The following FLI1 variants were observed in gnomAD, a reference collection of about 807,000 sequenced individuals.
The protein encoded by FLI1 is Fli-1 proto-oncogene, ETS transcription factor, also known as Friend leukemia integration 1 transcription factor.
FLI1 carries 13 observed loss-of-function variants against 53.1 expected under a neutral mutation model. That is an observed-to-expected ratio of 0.24 (90% CI 0.16 to 0.39). FLI1 has a LOEUF of 0.39. Among genes scored for constraint, FLI1 ranks in the 10% least tolerant of loss-of-function variants. The probability of loss-of-function intolerance (pLI) is 1.00; values close to 1 mark genes in which losing one functional copy is unlikely to be tolerated. For synonymous variants in FLI1, 244 were observed against 236.7 expected, an observed-to-expected ratio of 1.03 and a Z score of -0.28; for missense variants, 424 against 600.5, an observed-to-expected ratio of 0.71 and a Z score of 3.07.
rs753903023 is a variant in FLI1 at position 128,809,212 on chromosome 11, T to C, written c.829+8T>C. ...GTCGCCTAGCCAACCCTGGTGAGTTTACCTTGGCCTGCAAGCCTTTTTTGC... is the reference window on the plus strand; with the variant it reads ...GTCGCCTAGCCAACCCTGGTGAGTTCACCTTGGCCTGCAAGCCTTTTTTGC... On this transcript the variant is annotated splice_region_variant and intron_variant, in intron 8 of 8. Transcript: ENST00000527786. 1.1e-5 allele frequency: 17 copies of C among 1,613,160 alleles called. No individual in the cohort carries two copies. The highest frequency in any genetic ancestry group is 1.4e-5 in the Non-Finnish European group (16 of 1,179,166).
At chr11:128,779,315 G>A (rs1048683804) in intron 4 of FLI1, among the ~76,000 whole-genome samples, 5 of 152,340 alleles carry the variant, frequency 3.3e-5, no homozygotes, top group Admixed American at 2.6e-4. Context: ...GGGAGAGAAC[G>A]TCAGGGACGG....
chr11:128,809,023 A>C, intron 7 of FLI1, 134 bp from the exon 8 acceptor site: 1 of 619,542 alleles, frequency 1.6e-6, no homozygotes, highest in East Asian at 2.8e-5. Context: ...AAATAAAAGC[A>C]GTAAAGTTTT....
rs77089230 is a variant in FLI1, at chr11:128,737,457, T to C, written c.19-20658T>C. 2.9e-3 allele frequency among the ~76,000 whole-genome samples: 446 copies of C among 152,350 alleles called. 2 individuals are homozygous for C. The highest frequency in any genetic ancestry group is 0.01 in the African/African-American group (426 of 41,572). ...CCTCCTCTCTAATGTCTATGAGTTCTAGAACTTGAACAAATCTTTGTCAAG... is the reference window on the plus strand; with the variant it reads ...CCTCCTCTCTAATGTCTATGAGTTCCAGAACTTGAACAAATCTTTGTCAAG... On this transcript the variant is annotated intron_variant, in intron 1 of 8. Coordinates refer to ENST00000527786, the MANE Select transcript of FLI1 (RefSeq NM_002017.5).
At chr11:128,783,125 C>G (rs1941972760) in intron 5 of FLI1, among the ~76,000 whole-genome samples, 1 of 152,130 alleles carries the variant, frequency 6.6e-6, no homozygotes, top group Non-Finnish European at 1.5e-5. Context: ...TTTAACTCAC[C>G]CTCCCCAAAA....
intron 3 of FLI1, 123 bp downstream of exon 3, chr11:128,768,395 A>G (rs982281384): frequency 8.0e-7 from 1 of 1,254,702 alleles, no homozygotes; most frequent in African/African-American, 1.5e-5. Flanking sequence ...AGAAAGCTGC[A>G]CGCCAGCCGG....
At chr11:128,698,175 GT>G (rs1455992108) in intron 1 of FLI1, among the ~76,000 whole-genome samples, 16 of 152,356 alleles carry the variant, frequency 1.1e-4, no homozygotes, top group African/African-American at 3.6e-4. Context: ...TCTGGACAAG[GT>G]TTGGAAGAAG....
At chr11:128,764,873 GC>G in intron 2 of FLI1, 1 of 1,563,174 alleles carries the variant, frequency 6.4e-7, no homozygotes. Context: ...GGCCAGCTGG[GC>G]AAGTGTGGGG....
upstream of FLI1, among the ~76,000 whole-genome samples, chr11:128,690,905 C>T (rs773158560): frequency 6.6e-6 from 1 of 152,190 alleles, no homozygotes; most frequent in Non-Finnish European, 1.5e-5. Context: ...TGTTCAGCAG[C>T]TCTGCCCAGT....
upstream of FLI1, chr11:128,693,677 G>C: frequency 4.3e-6 from 1 of 232,616 alleles, no homozygotes; most frequent in Non-Finnish European, 8.5e-6. Context: ...GGATTTTGGG[G>C]GAAGGTGATG....
At chr11:128,774,140 T>G (rs1440995363) in intron 4 of FLI1, among the ~76,000 whole-genome samples, 1 of 152,130 alleles carries the variant, frequency 6.6e-6, no homozygotes, top group Admixed American at 6.5e-5. Context: ...CCACTGTCCC[T>G]TCAGCGACAG....
intron 4 of FLI1, among the ~76,000 whole-genome samples, chr11:128,777,980 A>G (rs946336701): frequency 5.3e-5 from 8 of 152,242 alleles, no homozygotes; most frequent in African/African-American, 1.9e-4. Context: ...AGATCCAGGT[A>G]CTGTCTCTAG....
intron 1 of FLI1, among the ~76,000 whole-genome samples, chr11:128,720,591 A>T (rs1939212235): frequency 6.6e-6 from 1 of 152,222 alleles, no homozygotes; most frequent in South Asian, 2.1e-4. Context: ...GATTGCAGGC[A>T]AGCCCAGGGC....
intron 1 of FLI1, among the ~76,000 whole-genome samples, chr11:128,754,241 G>A (rs901489216): frequency 9.0e-5 from 6 of 66,938 alleles, no homozygotes; most frequent in Non-Finnish European, 2.1e-4. Context: ...GGGGATGTGT[G>A]TGTGTGTGTG....
Position 128,810,747 on chromosome 11 carries a change from C to T in FLI1, c.1118C>T (p.Pro373Leu), listed in dbSNP as rs747021663. 8 of 1,613,968 alleles carry T rather than the reference C, an allele frequency of 5.0e-6. No homozygotes were observed. The highest frequency in any genetic ancestry group is 2.2e-5 in the East Asian group (1 of 44,904). Residue 373 changes from proline (P) to leucine (L), a missense_variant, in exon 9 of 9, where the codon CCG becomes CTG. By Grantham distance (98) the Pro-to-Leu change is moderately conservative. This residue lies in a region of FLI1 where 71 missense variants were observed against 174.2 expected (regional missense o/e 0.41). Coordinates refer to ENST00000527786, the MANE Select transcript of FLI1 (RefSeq NM_002017.5). The surrounding 1 kb of genome is among the most constrained non-coding windows in gnomAD (Gnocchi z 6.6). ...ATTGCCCAGGCTCTGCAGCCACATC[C>T]GACCGAGTCGTCCATGTACAAGTAC... Reference protein sequence around the residue: ...HGIAQALQPHPTESSMYKYPS... With the variant: ...HGIAQALQPHLTESSMYKYPS...
At chr11:128,718,477 C>T (rs367631204) in intron 1 of FLI1, among the ~76,000 whole-genome samples, 2 of 152,188 alleles carry the variant, frequency 1.3e-5, no homozygotes, top group Admixed American at 6.5e-5. Context: ...AGGCACACCA[C>T]TAAGTGCCAC....
At chr11:128,774,138 C>G (rs558475290) in intron 4 of FLI1, among the ~76,000 whole-genome samples, 11 of 152,220 alleles carry the variant, frequency 7.2e-5, no homozygotes, top group Admixed American at 5.9e-4. Flanking sequence ...ATCCACTGTC[C>G]CTTCAGCGAC....
intron 6 of FLI1, 118 bp from the exon 7 acceptor site, chr11:128,807,062 T>TA (rs1303593805): frequency 2.1e-6 from 1 of 485,970 alleles, no homozygotes; most frequent in East Asian, 3.4e-5. Context: ...ATAAGATGAA[T>TA]AAATGAGTCA....
chr11:128,746,099 A>C (rs1484942328), intron 1 of FLI1, among the ~76,000 whole-genome samples: 1 of 152,138 alleles, frequency 6.6e-6, no homozygotes, highest in Non-Finnish European at 1.5e-5. Context: ...AAGCGCAAAG[A>C]TAGAAGGGGT....
chr11:128,701,748 G>T (rs946041763), intron 1 of FLI1, among the ~76,000 whole-genome samples: 1 of 152,170 alleles, frequency 6.6e-6, no homozygotes, highest in African/African-American at 2.4e-5. Flanking sequence ...CATTTACCCA[G>T]CCAGTGCTAT....
Sources: allele counts gnomAD v4.1 joint callset (sites outside exome capture counted in the v4.1 genomes callset), GRCh38; gene constraint gnomAD v4.1.1; regional missense constraint gnomAD v4.1.1; non-coding constraint Gnocchi (gnomAD v3.1); transcripts MANE v1.5; gene names NCBI Gene and HGNC (gene_info 2026-07-23, HGNC 2026-07-21).